The following MMP26 variants were observed in gnomAD, a reference collection of about 807,000 sequenced individuals.
The protein encoded by MMP26 is matrix metallopeptidase 26.
A neutral mutation model predicts 31.0 loss-of-function variants in MMP26; 33 were observed. The ratio of observed to expected loss-of-function variants is 1.06; its 90% CI spans 0.81 to 1.42. The LOEUF (loss-of-function observed/expected upper bound fraction) is 1.42, where lower values mean the gene tolerates loss of function less well. Ranked by LOEUF, MMP26 falls within the 40% of genes most tolerant of loss-of-function variation. MMP26 has a pLI of 0.00. For missense variants in MMP26, 347 were observed against 316.1 expected (o/e 1.10, Z -0.74); for synonymous variants, 122 against 114.9 (o/e 1.06, Z -0.40).
chr11:4,948,052 G>T (rs2133608693), intron 2 of MMP26, among the ~76,000 whole-genome samples: 1 of 124,034 alleles, frequency 8.1e-6, no homozygotes, highest in Non-Finnish European at 1.8e-5. Context: ...CTGAATCCTG[G>T]ATCCATCTCC....
intron 2 of MMP26, among the ~76,000 whole-genome samples, chr11:4,850,734 A>G (rs984877054): frequency 2.0e-5 from 3 of 151,884 alleles, no homozygotes; most frequent in Admixed American, 1.3e-4. Context: ...TTTAAATAAA[A>G]TATAACTTTC....
intron 2 of MMP26, among the ~76,000 whole-genome samples, chr11:4,879,758 G>A (rs1012242501): frequency 6.6e-6 from 1 of 152,238 alleles, no homozygotes; most frequent in East Asian, 1.9e-4. Context: ...GACTTGAATC[G>A]GAAGGGTTCT....
chr11:4,803,924 G>A, intron 2 of MMP26: 1 of 1,613,314 alleles, frequency 6.2e-7, no homozygotes, highest in Non-Finnish European at 8.5e-7. Flanking sequence ...AGCCCTCTCA[G>A]CATCACGATG....
chr11:4,896,670 T>C (rs1850708438), intron 2 of MMP26, among the ~76,000 whole-genome samples: 1 of 152,336 alleles, frequency 6.6e-6, no homozygotes, highest in East Asian at 1.9e-4. Flanking sequence ...TTTCTTACAA[T>C]CAACGAGGTG....
At chr11:4,819,318 A>T (rs938935482) in intron 2 of MMP26, among the ~76,000 whole-genome samples, 1 of 152,174 alleles carries the variant, frequency 6.6e-6, no homozygotes, top group African/African-American at 2.4e-5. Flanking sequence ...ATAATTTTAC[A>T]AGTGACTTGA....
intron 2 of MMP26, among the ~76,000 whole-genome samples, chr11:4,921,962 T>G (rs1342404619): frequency 6.6e-6 from 1 of 152,220 alleles, no homozygotes; most frequent in Non-Finnish European, 1.5e-5. Flanking sequence ...TAATGTGTAT[T>G]GTACCCATTA....
chr11:4,928,445 C>T (rs769963048), intron 2 of MMP26, among the ~76,000 whole-genome samples: 4 of 152,116 alleles, frequency 2.6e-5, no homozygotes, highest in Non-Finnish European at 4.4e-5. Context: ...TAACTACCAA[C>T]GTCTGTATCA....
rs1180994924 is a variant in MMP26, at chr11:4,894,934, TG to T, written c.-144-93132del. On this transcript the variant is annotated intron_variant, in intron 2 of 7. Coordinates refer to ENST00000380390, the MANE Select transcript of MMP26 (RefSeq NM_021801.5). ...ATATATATTTGTGTATAGAGCTCTG[TG>T]GCATAATTTATGAACAGGAAATAGT... 1.1e-4 allele frequency among the ~76,000 whole-genome samples: 17 copies of T among 152,312 alleles called. No homozygotes were observed. The East Asian group carries it at 3.3e-3, about 29-fold the overall frequency.
intron 2 of MMP26, among the ~76,000 whole-genome samples, chr11:4,959,318 C>T (rs1022915249): frequency 2.0e-5 from 3 of 151,198 alleles, no homozygotes; most frequent in Non-Finnish European, 4.4e-5. Context: ...AGGTACTTAC[C>T]ACAAATATCA....
At chr11:4,924,388 T>A in intron 2 of MMP26, 1 of 1,526,346 alleles carries the variant, frequency 6.6e-7, no homozygotes. Flanking sequence ...ATGAGATTCC[T>A]GGAAAGTGAC....
At chr11:4,949,333 AAT>A (rs1288516133) in intron 2 of MMP26, among the ~76,000 whole-genome samples, 1 of 123,732 alleles carries the variant, frequency 8.1e-6, no homozygotes, top group East Asian at 2.3e-4. Flanking sequence ...TAATTTACAT[AAT>A]ATGTTTTAAA....
intron 2 of MMP26, chr11:4,915,384 C>T (rs1167232961): frequency 6.2e-7 from 1 of 1,614,004 alleles, no homozygotes; most frequent in South Asian, 1.1e-5. Flanking sequence ...ATTTCTCGTG[C>T]TCCAACCCAA....
intron 2 of MMP26, among the ~76,000 whole-genome samples, chr11:4,972,181 G>C (rs1461972711): frequency 6.6e-6 from 1 of 152,166 alleles, no homozygotes. Flanking sequence ...ATATGGAGGG[G>C]AAGGGGCTTT....
intron 2 of MMP26, among the ~76,000 whole-genome samples, chr11:4,981,382 G>C (rs983341602): frequency 6.6e-6 from 1 of 151,980 alleles, no homozygotes; most frequent in African/African-American, 2.4e-5. Flanking sequence ...ATTGTTCCTA[G>C]GTTACAAACC....
chr11:4,923,589 G>A (rs1456824582), intron 2 of MMP26: 2 of 1,614,110 alleles, frequency 1.2e-6, no homozygotes, highest in Non-Finnish European at 1.7e-6. Context: ...TAGAAGAGCA[G>A]TACAGCACAG....
intron 2 of MMP26, chr11:4,859,963 C>A (rs561325859): frequency 1.5e-5 from 7 of 470,906 alleles, no homozygotes; most frequent in Non-Finnish European, 3.1e-5. Context: ...GACGATGAGG[C>A]CGTAGAGGCT....
intron 1 of MMP26, among the ~76,000 whole-genome samples, chr11:4,761,422 A>G (rs559362373): frequency 6.6e-6 from 1 of 152,228 alleles, no homozygotes; most frequent in Admixed American, 6.5e-5. Context: ...TGAGTGGAAA[A>G]CTTCTATAAG....
chr11:4,977,148 T>TACA lies in MMP26; in HGVS notation c.-144-10920_-144-10919insACA, dbSNP rs1157768556. ...ATTTCTTGCTCTTGTGTTACTCATA[T>TACA]TTGTCTTTGATAATGATGTTGTTGC... On this transcript the variant is annotated intron_variant, in intron 2 of 7. Transcript: ENST00000380390. Among the ~76,000 whole-genome samples the TACA allele has an allele frequency of 9.8e-4, 149 of 151,764 alleles. 2 individuals are homozygous for TACA. The highest frequency in any genetic ancestry group is 3.6e-3 in the African/African-American group (149 of 41,064).
intron 2 of MMP26, among the ~76,000 whole-genome samples, chr11:4,958,315 C>T (rs1343822994): frequency 1.3e-5 from 2 of 152,206 alleles, no homozygotes; most frequent in Admixed American, 1.3e-4. Flanking sequence ...AACAATAAAG[C>T]TCACCCTTTT....
Sources: allele counts gnomAD v4.1 joint callset (sites outside exome capture counted in the v4.1 genomes callset), GRCh38; gene constraint gnomAD v4.1.1; transcripts MANE v1.5; gene names NCBI Gene and HGNC (gene_info 2026-07-23, HGNC 2026-07-21).